Variants in SMAD2 observed in about 807,000 individuals in gnomAD.
SMAD2 encodes SMAD family member 2.
SMAD2 carries 8 observed loss-of-function variants against 64.4 expected under a neutral mutation model. That is an observed-to-expected ratio of 0.12 (90% CI 0.07 to 0.22). SMAD2 has a LOEUF of 0.22. Ranked by LOEUF, SMAD2 falls within the 10% of genes least tolerant of loss-of-function variation. The pLI is 1.00. For missense variants in SMAD2, 289 were observed against 561.2 expected (o/e 0.51, Z 4.90); for synonymous variants, 203 against 195.8 (o/e 1.04, Z -0.31).
At chr18:47,885,111 G>A (rs983916147) in intron 2 of SMAD2, among the ~76,000 whole-genome samples, 3 of 146,998 alleles carry the variant, frequency 2.0e-5, no homozygotes, top group East Asian at 2.0e-4. Context: ...ATAGCTTATC[G>A]ATTTTCTAGA....
Position 47,827,138 on chromosome 18 carries a change from A to G in SMAD2, c.*14689T>C, listed in dbSNP as rs769918269. On this transcript the variant is annotated 3_prime_UTR_variant, in exon 11 of 11. Transcript: ENST00000262160. Reference sequence around the variant, plus strand: ...CTGTCCAGCCATTAAAATCCAAAAAAAAAATTTGTTCAAAGTAGGCAATTG... The same window carrying G: ...CTGTCCAGCCATTAAAATCCAAAAAGAAAATTTGTTCAAAGTAGGCAATTG... 1.3e-5 allele frequency: 2 copies of G among 152,222 alleles called. No individual in the cohort carries two copies. Among genetic ancestry groups the G allele is most frequent in the Non-Finnish European group, 2.9e-5 (2 of 68,032 alleles). The allele number at this position is 152,222 out of a possible 1,614,324, so 9.4% of individuals were successfully genotyped here.
intron 2 of SMAD2, among the ~76,000 whole-genome samples, chr18:47,896,157 T>C (rs2033428201): frequency 6.6e-6 from 1 of 152,198 alleles, no homozygotes; most frequent in African/African-American, 2.4e-5. Flanking sequence ...AGCAGCCTCT[T>C]TTCACCCCTG....
In SMAD2 at chr18:47,812,208, T is replaced by C. The variant is rs188515012; in HGVS notation, c.*29619A>G. 2 of 152,276 alleles carry C rather than the reference T, an allele frequency of 1.3e-5. No individual in the cohort carries two copies. Among genetic ancestry groups the C allele is most frequent in the Admixed American group, 6.5e-5 (1 of 15,294 alleles). The allele number at this position is 152,276 out of a possible 1,614,324, so 9.4% of individuals were successfully genotyped here. On this transcript the variant is annotated 3_prime_UTR_variant, in exon 11 of 11. Transcript: ENST00000262160. ...GGTCTTTCCCGTGCTGCTCTTGTAA[T>C]AGTGAATAAGTCTCACGAGATCTGA...
chr18:47,854,356 ATG>A (rs1208735367), intron 6 of SMAD2, among the ~76,000 whole-genome samples: 1 of 152,230 alleles, frequency 6.6e-6, no homozygotes, highest in African/African-American at 2.4e-5. Context: ...GTCAAATAAA[ATG>A]TGTTAAACTT....
Position 47,836,165 on chromosome 18 carries a change from C to A in SMAD2, c.*5662G>T. 1 of 220,636 alleles carries A rather than the reference C, an allele frequency of 4.5e-6. No homozygotes were observed. The highest frequency in any genetic ancestry group is 9.1e-6 in the Non-Finnish European group (1 of 110,118). The allele number at this position is 220,636 out of a possible 1,614,324, so 13.7% of individuals were successfully genotyped here. A position where few individuals can be genotyped will look rare whatever the true frequency, so the allele number is the denominator to read the frequency against. On this transcript the variant is annotated 3_prime_UTR_variant, in exon 11 of 11. Transcript: ENST00000262160. ...TATATTGAGCAAAGATCTGAATCAC[C>A]TTCAATCAGGCTGTAAGATACTAGA...
intron 6 of SMAD2, among the ~76,000 whole-genome samples, 184 bp from the exon 7 acceptor site, chr18:47,851,511 G>A (rs35710478): frequency 7.2e-6 from 1 of 139,032 alleles, no homozygotes; most frequent in South Asian, 2.6e-4. Flanking sequence ...GGAAGAGAAG[G>A]GGGGGTTCCA....
At position 47,828,205 on chromosome 18, in the gene SMAD2, A is replaced by G. The variant is rs1912837612; in HGVS notation, c.*13622T>C. The G allele has an allele frequency of 6.5e-6, 1 of 154,792 alleles. No individual in the cohort carries two copies. Among genetic ancestry groups the G allele is most frequent in the Non-Finnish European group, 1.4e-5 (1 of 70,994 alleles). 9.6% of individuals were successfully genotyped at this position (154,792 alleles called of 1,614,324 possible). A position where few individuals can be genotyped will look rare whatever the true frequency, so the allele number is the denominator to read the frequency against. ...GAAGTAAGGAGCGTCTCCGCCCAGC[A>G]GCCGCCCCGTCTGGGAGGGAGGTGG... is the stretch of plus-strand genomic sequence containing the variant. On this transcript the variant is annotated 3_prime_UTR_variant, in exon 11 of 11. Coordinates refer to ENST00000262160, the MANE Select transcript of SMAD2 (RefSeq NM_005901.6).
At chr18:47,848,388 C>T in intron 8 of SMAD2, 87 bp downstream of exon 8, 3 of 1,045,730 alleles carry the variant, frequency 2.9e-6, no homozygotes, top group Middle Eastern at 2.8e-4. Context: ...TTTTACTGCA[C>T]ACAAGCTCTT....
intron 1 of SMAD2, among the ~76,000 whole-genome samples, chr18:47,910,073 G>T (rs764092953): frequency 6.6e-5 from 10 of 151,514 alleles, no homozygotes; most frequent in Non-Finnish European, 1.2e-4. Flanking sequence ...AGTCCAAAAT[G>T]ATACATTCCT....
At chr18:47,870,642 G>C in intron 2 of SMAD2, 78 bp from the exon 3 acceptor site, 1 of 940,908 alleles carries the variant, frequency 1.1e-6, no homozygotes, top group Non-Finnish European at 1.8e-6. Flanking sequence ...TGTAAAACAT[G>C]GAGAATGTAC....
intron 1 of SMAD2, among the ~76,000 whole-genome samples, chr18:47,902,236 TA>T (rs2033712647): frequency 2.0e-5 from 3 of 152,258 alleles, no homozygotes; most frequent in African/African-American, 7.2e-5. Flanking sequence ...TTGTGAAAGG[TA>T]TTCCCCCAGG....
rs1277003294 is a variant in SMAD2, at chr18:47,818,652, G to T, written c.*23175C>A. 1.3e-5 allele frequency: 2 copies of T among 152,118 alleles called. No homozygotes were observed. The highest frequency in any genetic ancestry group is 2.4e-5 in the African/African-American group (1 of 41,436). The allele number at this position is 152,118 out of a possible 1,614,324, so 9.4% of individuals were successfully genotyped here. Reference sequence around the variant, plus strand: ...AAAAATTCAAGGCCACCTGGAGATTGTTTTTTCTTATACAATTCAGCCAGT... The same window carrying T: ...AAAAATTCAAGGCCACCTGGAGATTTTTTTTTCTTATACAATTCAGCCAGT... On this transcript the variant is annotated 3_prime_UTR_variant, in exon 11 of 11. Transcript: ENST00000262160.
rs1267062553 is a variant in SMAD2, at chr18:47,930,605, G to C, written c.-298C>G. The stretch of plus-strand genomic sequence containing the variant: ...GAGGGGAGGGGAGGAGAGGGAAGGG[G>C]AGGGGAGGGAGCCTGGCCGCCGCCC... On this transcript the variant is annotated 5_prime_UTR_variant, in exon 1 of 11. Transcript: ENST00000262160. The C allele has an allele frequency of 2.7e-5, 4 of 149,978 alleles. No individual in the cohort carries two copies. Among genetic ancestry groups the C allele is most frequent in the Admixed American group, 2.0e-4 (3 of 15,104 alleles). The allele number at this position is 149,978 out of a possible 1,614,324, so 9.3% of individuals were successfully genotyped here. A position where few individuals can be genotyped will look rare whatever the true frequency, so the allele number is the denominator to read the frequency against.
chr18:47,908,259 T>C (rs1233256757), intron 1 of SMAD2, among the ~76,000 whole-genome samples: 4 of 152,236 alleles, frequency 2.6e-5, no homozygotes, highest in Non-Finnish European at 4.4e-5. Flanking sequence ...GGACAAAAAT[T>C]GAGAGCCCAA....
Position 47,869,418 on chromosome 18 carries a change from G to C in SMAD2, c.345C>G (p.Leu115=), listed in dbSNP as rs2144379620. Residue 115 remains leucine, a synonymous_variant, in exon 4 of 11, where the codon CTC becomes CTG. Coordinates refer to ENST00000262160, the MANE Select transcript of SMAD2 (RefSeq NM_005901.6). ...SEQTRSLDGR[L]QVSHRKGLPH... is the part of the protein sequence containing the mutation. ...GCAATCCTTTTCGATGGGATACCTG[G>C]AGACGACCATCAAGAGACCTGTTGG... is the stretch of plus-strand genomic sequence containing the variant. The C allele has an allele frequency of 6.2e-7, 1 of 1,612,192 alleles. No homozygotes were observed. The highest frequency in any genetic ancestry group is 1.3e-5 in the African/African-American group (1 of 74,598).
At chr18:47,882,728 A>T (rs1016858486) in intron 2 of SMAD2, among the ~76,000 whole-genome samples, 4 of 152,232 alleles carry the variant, frequency 2.6e-5, no homozygotes, top group Admixed American at 6.5e-5. Context: ...TAAATTTACC[A>T]GTAAAACCAT....
At position 47,825,564 on chromosome 18, in the gene SMAD2, G is replaced by C. The variant is rs1912722703; in HGVS notation, c.*16263C>G. On this transcript the variant is annotated 3_prime_UTR_variant, in exon 11 of 11. Transcript: ENST00000262160. The stretch of plus-strand genomic sequence containing the variant: ...CAGGGCCATGCCCTTGAACTTCCCA[G>C]CCTGTAGAACTGTGAGCATCCTTCA... 1 of 152,892 alleles carries C rather than the reference G, an allele frequency of 6.5e-6. No homozygotes were observed. The highest frequency in any genetic ancestry group is 2.1e-4 in the South Asian group (1 of 4,840). 9.5% of individuals were successfully genotyped at this position (152,892 alleles called of 1,614,324 possible).
chr18:47,848,958 T>C (rs1218979948), intron 7 of SMAD2, among the ~76,000 whole-genome samples: 3 of 152,202 alleles, frequency 2.0e-5, no homozygotes, highest in Non-Finnish European at 4.4e-5. Context: ...TTCTTTGTTT[T>C]ACCAGTAGTT....
rs1460376690 is a variant in SMAD2 at position 47,832,366 on chromosome 18, A to C, written c.*9461T>G. 2 of 152,222 alleles carry C rather than the reference A, an allele frequency of 1.3e-5. No individual in the cohort carries two copies. Among genetic ancestry groups the C allele is most frequent in the Non-Finnish European group, 1.5e-5 (1 of 68,044 alleles). 9.4% of individuals were successfully genotyped at this position (152,222 alleles called of 1,614,324 possible). A position where few individuals can be genotyped will look rare whatever the true frequency, so the allele number is the denominator to read the frequency against. Reference sequence around the variant, plus strand: ...GGGAAGTCCCTTTTAGATTATTTATACAGTGGCAGGTGGTAGCAATTACAG... The same window carrying C: ...GGGAAGTCCCTTTTAGATTATTTATCCAGTGGCAGGTGGTAGCAATTACAG... On this transcript the variant is annotated 3_prime_UTR_variant, in exon 11 of 11. Coordinates refer to ENST00000262160, the MANE Select transcript of SMAD2 (RefSeq NM_005901.6).
Sources: gnomAD v4.1 joint callset for allele counts (sites outside exome capture counted in the v4.1 genomes callset) on GRCh38, gnomAD v4.1.1 for gene constraint, MANE v1.5 for transcripts, NCBI Gene and HGNC (gene_info 2026-07-23, HGNC 2026-07-21) for gene names.